Variants in FKBP5 observed in about 807,000 individuals in gnomAD.
FKBP5 encodes the protein FKBP prolyl isomerase 5.
Under a neutral mutation model 50.5 loss-of-function variants are expected in FKBP5, and 23 were observed. That is an observed-to-expected ratio of 0.46 (90% CI 0.33 to 0.65). The LOEUF (loss-of-function observed/expected upper bound fraction) is 0.65, where lower values mean the gene tolerates loss of function less well. Ranked by LOEUF, FKBP5 falls within the 30% of genes least tolerant of loss-of-function variation. The probability of loss-of-function intolerance (pLI) is 0.02; values close to 1 mark genes in which losing one functional copy is unlikely to be tolerated. For synonymous variants in FKBP5, 176 were observed against 190.6 expected, an observed-to-expected ratio of 0.92 and a Z score of 0.63; for missense variants, 411 against 553.1, an observed-to-expected ratio of 0.74 and a Z score of 2.58.
At chr6:35,657,576 AG>A (rs1764990782) in intron 1 of FKBP5, among the ~76,000 whole-genome samples, 1 of 152,246 alleles carries the variant, frequency 6.6e-6, no homozygotes, top group Non-Finnish European at 1.5e-5. Flanking sequence ...TGGATAACCC[AG>A]GATAATCTCC....
rs1342754279 is a variant in FKBP5, at chr6:35,688,826, A to T, written c.-42T>A. ...TACCTGTCGCCGCGGGGGCTCGCCG[A>T]CTCCGTCACTCTCCGCCTTGCCCGT... On this transcript the variant is annotated 5_prime_UTR_variant, in exon 1 of 11. Coordinates refer to ENST00000357266, the MANE Select transcript of FKBP5 (RefSeq NM_004117.4). 1 of 150,126 alleles carries T rather than the reference A, an allele frequency of 6.7e-6. No homozygotes were observed. The highest frequency in any genetic ancestry group is 1.5e-5 in the Non-Finnish European group (1 of 67,398). The allele number at this position is 150,126 out of a possible 1,614,324, so 9.3% of individuals were successfully genotyped here.
At chr6:35,611,305 G>C (rs950192076) in intron 5 of FKBP5, among the ~76,000 whole-genome samples, 2 of 152,166 alleles carry the variant, frequency 1.3e-5, no homozygotes, top group African/African-American at 4.8e-5. Context: ...GAGAGGGAAA[G>C]GAGGTACGCC....
chr6:35,606,592 G>A (rs1014410775), intron 5 of FKBP5, among the ~76,000 whole-genome samples: 8 of 146,972 alleles, frequency 5.4e-5, no homozygotes, highest in African/African-American at 1.3e-4. Context: ...CCTGGGAGGC[G>A]GGAGTTGCAG....
At chr6:35,687,907 T>G (rs894350299) in intron 1 of FKBP5, among the ~76,000 whole-genome samples, 4 of 152,228 alleles carry the variant, frequency 2.6e-5, no homozygotes, top group Admixed American at 2.6e-4. Flanking sequence ...AGAAAGCCAC[T>G]CTGCACCCTG....
chr6:35,654,835 T>TGTA (rs1459787331), intron 1 of FKBP5, among the ~76,000 whole-genome samples: 4 of 152,204 alleles, frequency 2.6e-5, no homozygotes, highest in African/African-American at 9.6e-5. Flanking sequence ...TATCCAGCTC[T>TGTA]GTACCAAGAC....
intron 3 of FKBP5, among the ~76,000 whole-genome samples, chr6:35,624,497 ATTTT>A (rs34356639): frequency 9.3e-5 from 14 of 151,092 alleles, no homozygotes; most frequent in African/African-American, 2.9e-4. Context: ...AAGAAAAAAA[ATTTT>A]TTTTTTGTCT....
At position 35,605,749 on chromosome 6, in the gene FKBP5, G is replaced by A. The variant is rs114108337; in HGVS notation, c.509-8345C>T. On this transcript the variant is annotated intron_variant, in intron 5 of 10. Transcript: ENST00000357266. ...GTTGGAAGCATTCCGCCTAAGAACT[G>A]GAAAAAAACAGGGTGTCCACTCTTA... Among the ~76,000 whole-genome samples, 650 of 152,010 alleles carry A rather than the reference G, an allele frequency of 4.3e-3. 4 individuals are homozygous for A. The highest frequency in any genetic ancestry group is 0.014 in the African/African-American group (600 of 41,470).
chr6:35,694,248 C>T (rs1463153209), intron 2 of FKBP5, among the ~76,000 whole-genome samples: 3 of 152,132 alleles, frequency 2.0e-5, no homozygotes, highest in African/African-American at 2.4e-5. Context: ...TAGGCTCAAG[C>T]GATTTTCCCA....
chr6:35,670,100 T>C (rs889805283), intron 1 of FKBP5, among the ~76,000 whole-genome samples: 5 of 152,216 alleles, frequency 3.3e-5, no homozygotes, highest in Non-Finnish European at 7.3e-5. Context: ...TAATATAAAT[T>C]ATAAATTAAA....
rs1762572227 is a variant in FKBP5 at position 35,585,557 on chromosome 6, T to C, written c.840+1477A>G. 6.1e-6 allele frequency: 6 copies of C among 985,228 alleles called. No individual in the cohort carries two copies. In the South Asian group the frequency reaches 2.3e-4, roughly 39 times the overall value. 61.0% of individuals were successfully genotyped at this position (985,228 alleles called of 1,614,324 possible). Reference sequence around the variant, plus strand: ...TTTGAAGAGCAATAAAGCCCATTTTTCCCAATTCTGAGCTTATTCTATCAT... The same window carrying C: ...TTTGAAGAGCAATAAAGCCCATTTTCCCCAATTCTGAGCTTATTCTATCAT... On this transcript the variant is annotated intron_variant, in intron 8 of 10. Coordinates refer to ENST00000357266, the MANE Select transcript of FKBP5 (RefSeq NM_004117.4).
chr6:35,647,806 A>G (rs1187256224), intron 1 of FKBP5, among the ~76,000 whole-genome samples: 2 of 152,178 alleles, frequency 1.3e-5, no homozygotes, highest in East Asian at 3.8e-4. Context: ...CATCGAAAGG[A>G]TATGTCAAGG....
intron 1 of FKBP5, among the ~76,000 whole-genome samples, chr6:35,644,549 AGT>A (rs1229202713): frequency 6.6e-6 from 1 of 152,262 alleles, no homozygotes; most frequent in Non-Finnish European, 1.5e-5. Flanking sequence ...CCAGGGGCTA[AGT>A]CTCTCTGCTC....
intron 5 of FKBP5, among the ~76,000 whole-genome samples, chr6:35,618,823 T>G (rs1405761460): frequency 6.6e-6 from 1 of 151,994 alleles, no homozygotes; most frequent in Non-Finnish European, 1.5e-5. Flanking sequence ...GCCTCCCGAG[T>G]AGCTGGGAAT....
At chr6:35,594,566 G>C (rs1321645491) in intron 6 of FKBP5, among the ~76,000 whole-genome samples, 1 of 152,044 alleles carries the variant, frequency 6.6e-6, no homozygotes, top group East Asian at 1.9e-4. Flanking sequence ...TTCACTGCCT[G>C]CACTGAAAAC....
intron 2 of FKBP5, among the ~76,000 whole-genome samples, chr6:35,707,289 TCA>T (rs1766335458): frequency 6.9e-6 from 1 of 145,878 alleles, no homozygotes; most frequent in Non-Finnish European, 1.5e-5. Flanking sequence ...TGATCTCGGC[TCA>T]CCACAACCTC....
intron 5 of FKBP5, among the ~76,000 whole-genome samples, chr6:35,610,306 C>T (rs1763449876): frequency 6.6e-6 from 1 of 152,026 alleles, no homozygotes; most frequent in African/African-American, 2.4e-5. Flanking sequence ...GTGGTTCACA[C>T]CTATAATCTC....
At position 35,658,232 on chromosome 6, in the gene FKBP5, G is replaced by A. The variant is rs186962327; in HGVS notation, c.-19-15389C>T. ...TCTACTAAAAATCCAAAAATTAACC[G>A]GGCGTGGTGGCGGGCGCCTGTAGTC... On this transcript the variant is annotated intron_variant, in intron 1 of 10. Transcript: ENST00000357266. Among the ~76,000 whole-genome samples the A allele has an allele frequency of 2.9e-3, 436 of 152,036 alleles. 3 individuals carry two copies. The highest frequency in any genetic ancestry group is 7.2e-3 in the African/African-American group (300 of 41,484).
At chr6:35,722,107 C>T in intron 1 of FKBP5, among the ~76,000 whole-genome samples, 1 of 152,170 alleles carries the variant, frequency 6.6e-6, no homozygotes, top group Non-Finnish European at 1.5e-5. Flanking sequence ...CCATCACACT[C>T]CATCGCATCC....
intron 2 of FKBP5, among the ~76,000 whole-genome samples, chr6:35,698,379 G>T (rs970070522): frequency 1.3e-5 from 2 of 152,092 alleles, no homozygotes; most frequent in African/African-American, 4.8e-5. Context: ...CGGGCGCGGT[G>T]GCTCACGCCC....
Sources: gnomAD v4.1 joint callset for allele counts (sites outside exome capture counted in the v4.1 genomes callset) on GRCh38, gnomAD v4.1.1 for gene constraint, MANE v1.5 for transcripts, NCBI Gene and HGNC (gene_info 2026-07-23, HGNC 2026-07-21) for gene names.